ZNF701: variants seen among roughly 807,000 people sequenced by gnomAD.
ZNF701 encodes the protein zinc finger protein 701.
Under a neutral mutation model 7.1 loss-of-function variants are expected in ZNF701, and 6 were observed. The ratio of observed to expected loss-of-function variants is 0.84; its 90% CI spans 0.46 to 1.66. The LOEUF (loss-of-function observed/expected upper bound fraction) is 1.66, where lower values mean the gene tolerates loss of function less well. Ranked by LOEUF, ZNF701 falls within the 40% of genes most tolerant of loss-of-function variation. The pLI is 0.01. For synonymous variants in ZNF701, 166 were observed against 188.2 expected (o/e 0.88, Z 0.97); for missense variants, 541 against 559.2 (o/e 0.97, Z 0.33).
At chr19:52,580,172 T>G (rs1164219550) in intron 3 of ZNF701, among the ~76,000 whole-genome samples, 1 of 145,422 alleles carries the variant, frequency 6.9e-6, no homozygotes, top group Non-Finnish European at 1.5e-5. Context: ...CTCAATCTCC[T>G]GACCTTGTGA....
intron 3 of ZNF701, among the ~76,000 whole-genome samples, chr19:52,580,483 C>T (rs1321907260): frequency 1.3e-5 from 2 of 152,018 alleles, no homozygotes; most frequent in Non-Finnish European, 2.9e-5. Flanking sequence ...CCTCAGACCC[C>T]CAAAGTGCTG....
At chr19:52,595,939 G>A in the ZNF701 span, 1 of 1,612,516 alleles carries the variant, frequency 6.2e-7, no homozygotes, top group Admixed American at 1.7e-5. Flanking sequence ...ACATGTTTCA[G>A]ACCCAAGGGA....
chr19:52,584,543 A>G lies in ZNF701; in HGVS notation c.*1086A>G, dbSNP rs1227633366. The G allele has an allele frequency of 6.6e-6, 1 of 152,278 alleles. No individual in the cohort carries two copies. Among genetic ancestry groups the G allele is most frequent in the African/African-American group, 2.4e-5 (1 of 41,460 alleles). The allele number at this position is 152,278 out of a possible 1,614,324, so 9.4% of individuals were successfully genotyped here. On this transcript the variant is annotated 3_prime_UTR_variant, in exon 4 of 4. Coordinates refer to ENST00000391785, the MANE Select transcript of ZNF701 (RefSeq NM_018260.3). ...TCTGAATCACATTGGCTTATATAAT[A>G]ACAATATTGATTTTTCCAAACCATC...
the ZNF701 span, chr19:52,597,052 CA>C: frequency 1.6e-6 from 2 of 1,265,250 alleles, no homozygotes; most frequent in Non-Finnish European, 2.2e-6. Context: ...ACAACCATTG[CA>C]AATCACTGGA....
Position 52,582,519 on chromosome 19 carries a change from T to C in ZNF701, c.460T>C (p.Phe154Leu), listed in dbSNP as rs1208079634. 6.2e-7 allele frequency: 1 copy of C among 1,614,112 alleles called. No homozygotes were observed. Among genetic ancestry groups the C allele is most frequent in the Non-Finnish European group, 8.5e-7 (1 of 1,180,032 alleles). The change falls in exon 4 of 4, where the codon TTT becomes CTT. Residue 154 changes from phenylalanine to leucine, a missense_variant. Coordinates refer to ENST00000391785, the MANE Select transcript of ZNF701 (RefSeq NM_018260.3). ...FHSHLPEVHIFHPEGKIGNQV... is the reference protein window; with the variant it reads ...FHSHLPEVHILHPEGKIGNQV... ...TTCGCATCTGCCTGAAGTGCACATA[T>C]TTCACCCCGAAGGGAAAATTGGTAA...
At chr19:52,597,428 A>T in the ZNF701 span, 1 of 505,382 alleles carries the variant, frequency 2.0e-6, no homozygotes, top group Non-Finnish European at 4.0e-6. Flanking sequence ...ACTGTTCCAA[A>T]TACAGTGACT....
chr19:52,581,939 C>G (rs893015962), intron 3 of ZNF701, among the ~76,000 whole-genome samples: 1 of 152,120 alleles, frequency 6.6e-6, no homozygotes, highest in Non-Finnish European at 1.5e-5. Flanking sequence ...TAGAAAAACA[C>G]TCCTGACTTT....
chr19:52,580,645 G>A (rs1286906883), intron 3 of ZNF701, among the ~76,000 whole-genome samples: 1 of 152,076 alleles, frequency 6.6e-6, no homozygotes. Context: ...TACAAGTTGT[G>A]GCTTTTTTCT....
the ZNF701 span, among the ~76,000 whole-genome samples, chr19:52,593,419 C>A: frequency 2.0e-4 from 22 of 109,776 alleles, 6 homozygotes; most frequent in South Asian, 3.2e-3. Flanking sequence ...CTGACCCCCC[C>A]ACCTCCCTCC....
chr19:52,580,547 T>C (rs140348976), intron 3 of ZNF701, among the ~76,000 whole-genome samples: 666 of 152,254 alleles, frequency 4.4e-3, no homozygotes, highest in African/African-American at 0.014. Context: ...TTATTCCTTA[T>C]AGTGCTGTGT....
At position 52,584,332 on chromosome 19, in the gene ZNF701, A is replaced by G. The variant is rs1252334644; in HGVS notation, c.*875A>G. ...AATTGACATTAAAGTGTTTATGTTA[A>G]GAGGATTGGGCCAGGCGTGTGGCTC... On this transcript the variant is annotated 3_prime_UTR_variant, in exon 4 of 4. Transcript: ENST00000391785. The G allele has an allele frequency of 5.2e-6, 1 of 191,264 alleles. No homozygotes were observed. The highest frequency in any genetic ancestry group is 1.1e-5 in the Non-Finnish European group (1 of 91,470). The allele number at this position is 191,264 out of a possible 1,614,324, so 11.8% of individuals were successfully genotyped here. A position where few individuals can be genotyped will look rare whatever the true frequency, so the allele number is the denominator to read the frequency against.
chr19:52,590,091 G>T (rs2060030954), downstream of ZNF701, among the ~76,000 whole-genome samples: 1 of 142,760 alleles, frequency 7.0e-6, no homozygotes, highest in Non-Finnish European at 1.5e-5. Context: ...ACCGTGCCTG[G>T]CCTGTTTTTT....
chr19:52,578,711 G>A (rs1300039758), intron 3 of ZNF701, among the ~76,000 whole-genome samples: 2 of 152,166 alleles, frequency 1.3e-5, no homozygotes, highest in South Asian at 4.1e-4. Context: ...ACATGTAAAT[G>A]GTTTAAACAT....
chr19:52,592,206 C>A, the ZNF701 span: 5 of 1,577,352 alleles, frequency 3.2e-6, no homozygotes, highest in South Asian at 5.5e-5. Flanking sequence ...TGTTGGAGAA[C>A]TACAGGAACC....
chr19:52,572,609 C>T (rs1202694038), intron 1 of ZNF701: 1 of 353,360 alleles, frequency 2.8e-6, no homozygotes, highest in Non-Finnish European at 5.5e-6. Context: ...TCATCTCAGA[C>T]CTTCTCAGCG....
In ZNF701 at chr19:52,574,123, G is replaced by A. The variant is rs2059917721; in HGVS notation, c.-25G>A. ...TACGTGAGGAAAAAACACGGAAGAG[G>A]AAGAGGAAAGCAAAGGAGTCAGGGA... On this transcript the variant is annotated 5_prime_UTR_variant, in exon 2 of 4. Coordinates refer to ENST00000391785, the MANE Select transcript of ZNF701 (RefSeq NM_018260.3). The A allele has an allele frequency of 1.9e-6, 3 of 1,612,260 alleles. No individual in the cohort carries two copies. The highest frequency in any genetic ancestry group is 2.2e-5 in the East Asian group (1 of 44,848).
rs746935132 is a variant in ZNF701 at position 52,571,142 on chromosome 19, TG to T, written c.-72+814del. The stretch of plus-strand genomic sequence containing the variant: ...AAGAAAGCAGGAGGAGAAAAGCAAC[TG>T]GAGAAATGTAGAGAAAAGCTAGATG... On this transcript the variant is annotated intron_variant, in intron 1 of 3. Transcript: ENST00000391785. 1.1e-4 allele frequency among the ~76,000 whole-genome samples: 16 copies of T among 147,420 alleles called. No individual in the cohort carries two copies. The South Asian group carries it at 3.4e-3, about 32-fold the overall frequency.
chr19:52,578,575 A>C (rs905961495), intron 3 of ZNF701, among the ~76,000 whole-genome samples: 21 of 152,208 alleles, frequency 1.4e-4, no homozygotes, highest in Non-Finnish European at 2.5e-4. Flanking sequence ...TCATCTCCGC[A>C]TAAGAGAACA....
chr19:52,575,126 C>T (rs138484363), intron 2 of ZNF701, among the ~76,000 whole-genome samples: 68 of 152,198 alleles, frequency 4.5e-4, no homozygotes, highest in Non-Finnish European at 4.7e-4. Context: ...CCCCCCACCA[C>T]GCCCGGATAA....
Sources: allele counts gnomAD v4.1 joint callset (sites outside exome capture counted in the v4.1 genomes callset), GRCh38; gene constraint gnomAD v4.1.1; transcripts MANE v1.5; gene names NCBI Gene and HGNC (gene_info 2026-07-23, HGNC 2026-07-21).